Variants in TMEM63C observed in about 807,000 individuals in gnomAD.
The protein encoded by TMEM63C is osmosensitive cation channel TMEM63C.
Under a neutral mutation model 99.2 loss-of-function variants are expected in TMEM63C, and 32 were observed. That is an observed-to-expected ratio of 0.32 (90% CI 0.24 to 0.43). The LOEUF (loss-of-function observed/expected upper bound fraction) is 0.43. TMEM63C is among the 20% of genes least tolerant of loss of function. TMEM63C has a pLI of 1.00. For synonymous variants in TMEM63C, 376 were observed against 397.9 expected, an observed-to-expected ratio of 0.94 and a Z score of 0.66; for missense variants, 826 against 1,053.0, an observed-to-expected ratio of 0.78 and a Z score of 2.98.
At chr14:77,200,314 G>T (rs1340020774) in intron 1 of TMEM63C, among the ~76,000 whole-genome samples, 1 of 152,174 alleles carries the variant, frequency 6.6e-6, no homozygotes, top group Non-Finnish European at 1.5e-5. Flanking sequence ...CTAAGATGTG[G>T]ATCCACCACG....
intron 22 of TMEM63C, among the ~76,000 whole-genome samples, 154 bp downstream of exon 22, chr14:77,252,052 GTGCATGCATGCGTGCATGCCT>G (rs1157947890): frequency 3.5e-5 from 5 of 141,240 alleles, no homozygotes; most frequent in Non-Finnish European, 4.7e-5. Flanking sequence ...GTGTGCATGC[GTGCATGCATGCGTGCATGCCT>G]TGCGTGCATG....
At chr14:77,228,830 C>T (rs144464879) in intron 6 of TMEM63C, among the ~76,000 whole-genome samples, 42 of 152,230 alleles carry the variant, frequency 2.8e-4, no homozygotes, top group African/African-American at 9.6e-4. Flanking sequence ...AGCCACTGCA[C>T]CCGGCCTTAA....
intron 6 of TMEM63C, among the ~76,000 whole-genome samples, chr14:77,225,837 T>C (rs1053310769): frequency 2.0e-5 from 3 of 152,082 alleles, no homozygotes; most frequent in Admixed American, 1.3e-4. Context: ...TTCGCCCTTC[T>C]GCCCAAGCAA....
intron 18 of TMEM63C, among the ~76,000 whole-genome samples, chr14:77,247,191 A>G (rs1033175981): frequency 1.3e-5 from 2 of 150,908 alleles, no homozygotes; most frequent in Admixed American, 6.6e-5. Context: ...CATAGTCTTT[A>G]TAAACACAAG....
At chr14:77,206,052 G>A (rs554255248) in intron 1 of TMEM63C, among the ~76,000 whole-genome samples, 10 of 152,278 alleles carry the variant, frequency 6.6e-5, no homozygotes, top group South Asian at 4.1e-4. Context: ...TAGGCCCTCC[G>A]TCAGGCTCAG....
In TMEM63C at chr14:77,245,993, T is replaced by C; in HGVS notation, c.1502T>C (p.Met501Thr). 1 of 1,614,030 alleles carries C rather than the reference T, an allele frequency of 6.2e-7. No individual in the cohort carries two copies. The highest frequency in any genetic ancestry group is 8.5e-7 in the Non-Finnish European group (1 of 1,179,862). The change falls in exon 17 of 24, where the codon ATG (methionine) becomes ACG (threonine). Residue 501 changes from methionine to threonine, a missense_variant. By Grantham distance (81) the Met-to-Thr change is moderately conservative. Transcript: ENST00000298351. ...VHKCYIFLVFMVVILPSMGLT... is the reference protein window; with the variant it reads ...VHKCYIFLVFTVVILPSMGLT... Reference sequence around the variant, plus strand: ...AAGTGCTACATCTTTCTGGTGTTCATGGTAGTCATTCTGCCCTCTATGGGA... The same window carrying C: ...AAGTGCTACATCTTTCTGGTGTTCACGGTAGTCATTCTGCCCTCTATGGGA...
At chr14:77,239,830 G>C (rs545580106) in intron 12 of TMEM63C, 104 bp downstream of exon 12, 1 of 1,447,668 alleles carries the variant, frequency 6.9e-7, no homozygotes, top group Non-Finnish European at 9.2e-7. Flanking sequence ...CCTCACTCAG[G>C]TCTGCTCTAG....
rs981402456 is a variant in TMEM63C, at chr14:77,258,915, G to A, written c.*2189G>A. The A allele has an allele frequency of 1.3e-5, 2 of 152,344 alleles. No homozygotes were observed. Among genetic ancestry groups the A allele is most frequent in the African/African-American group, 4.8e-5 (2 of 41,464 alleles). The allele number at this position is 152,344 out of a possible 1,614,324, so 9.4% of individuals were successfully genotyped here. A position where few individuals can be genotyped will look rare whatever the true frequency, so the allele number is the denominator to read the frequency against. On this transcript the variant is annotated 3_prime_UTR_variant, in exon 24 of 24. Coordinates refer to ENST00000298351, the MANE Select transcript of TMEM63C (RefSeq NM_020431.4). ...CCTGGGTCCAGTGTAGCCTGGCTCT[G>A]AGAGAAGGTGGTGAGCATGTGGAGA...
intron 13 of TMEM63C, 104 bp downstream of exon 13, chr14:77,240,712 C>G: frequency 7.0e-7 from 1 of 1,422,642 alleles, no homozygotes; most frequent in South Asian, 1.4e-5. Flanking sequence ...CCCCTGGGCC[C>G]TCCATGCTCG....
At chr14:77,224,773 G>A (rs1340182480) in intron 5 of TMEM63C, among the ~76,000 whole-genome samples, 1 of 152,142 alleles carries the variant, frequency 6.6e-6, no homozygotes, top group Non-Finnish European at 1.5e-5. Context: ...CTGAGGTGCA[G>A]GAATTCAGAG....
intron 12 of TMEM63C, among the ~76,000 whole-genome samples, 166 bp from the exon 13 acceptor site, chr14:77,240,306 CTCT>C (rs1404832413): frequency 6.6e-6 from 1 of 152,204 alleles, no homozygotes; most frequent in Non-Finnish European, 1.5e-5. Flanking sequence ...CAGTCATCGC[CTCT>C]TCTTGTTCTA....
intron 1 of TMEM63C, among the ~76,000 whole-genome samples, chr14:77,207,084 A>G (rs4903558): frequency 0.98 from 149,668 of 152,324 alleles, 73,580 homozygotes; most frequent in Middle Eastern, 1. Flanking sequence ...TGTCTCCAGC[A>G]CCCCCTGGGC....
intron 14 of TMEM63C, 87 bp from the exon 15 acceptor site, chr14:77,242,816 G>C: frequency 1.3e-6 from 2 of 1,505,056 alleles, no homozygotes; most frequent in South Asian, 2.4e-5. Context: ...AGGGCAGGCT[G>C]GGTCCACAGC....
At chr14:77,202,825 G>GCACACA (rs60544528) in intron 1 of TMEM63C, among the ~76,000 whole-genome samples, 48 of 141,108 alleles carry the variant, frequency 3.4e-4, no homozygotes, top group East Asian at 2.6e-3. Context: ...ACAGGCAGGC[G>GCACACA]CACACACACA....
chr14:77,240,776 C>G (rs1889155793), intron 13 of TMEM63C, among the ~76,000 whole-genome samples, 168 bp downstream of exon 13: 1 of 152,184 alleles, frequency 6.6e-6, no homozygotes. Context: ...ATACCTGCTT[C>G]CCCCAGCTGC....
rs1312731343 is a variant in TMEM63C at position 77,242,472 on chromosome 14, A to G, written c.1187+3A>G. 1.2e-6 allele frequency: 2 copies of G among 1,613,588 alleles called. No homozygotes were observed. Among genetic ancestry groups the G allele is most frequent in the Non-Finnish European group, 1.7e-6 (2 of 1,179,668 alleles). On this transcript the variant is annotated splice_donor_region_variant and intron_variant, in intron 14 of 23. Transcript: ENST00000298351. ...CCACACCCCAAAGACATTATTTGGT[A>G]AGCCTCCTCCATCCCTCCCCTCTCC...
chr14:77,248,805 G>T lies in TMEM63C; in HGVS notation c.1803G>T (p.Ala601=). The T allele has an allele frequency of 6.2e-7, 1 of 1,614,072 alleles. No homozygotes were observed. The highest frequency in any genetic ancestry group is 8.5e-7 in the Non-Finnish European group (1 of 1,179,908). The change falls in exon 20 of 24, where the codon GCG becomes GCT. Residue 601 remains alanine, a synonymous_variant. Coordinates refer to ENST00000298351, the MANE Select transcript of TMEM63C (RefSeq NM_020431.4). ...AIDFQFGREY[A]WMMNVFSVVM... The stretch of plus-strand genomic sequence containing the variant: ...ACTTCCAGTTTGGGCGTGAGTATGC[G>T]TGGATGATGAACGTGTTCAGCGTGG...
chr14:77,256,742 T>TC lies in TMEM63C; in HGVS notation c.*18dup, dbSNP rs763426574. The TC allele has an allele frequency of 1.8e-5, 29 of 1,611,202 alleles. No individual in the cohort carries two copies. The South Asian group carries it at 3.2e-4, about 18-fold the overall frequency. On this transcript the variant is annotated 3_prime_UTR_variant, in exon 24 of 24. Transcript: ENST00000298351. ...GTACCACTGACCGGGACCTGAGGCCTCCACTGGCGACTTGTTGAGGGGTCA... is the reference window on the plus strand; with the variant it reads ...GTACCACTGACCGGGACCTGAGGCCTCCCACTGGCGACTTGTTGAGGGGTCA...
At chr14:77,235,442 A>C (rs183714656) in intron 8 of TMEM63C, among the ~76,000 whole-genome samples, 2,481 of 24,980 alleles carry the variant, frequency 0.099, 612 homozygotes, top group Admixed American at 0.2. Flanking sequence ...GTCCAGGGGG[A>C]CTGCAGTGGG....
Sources: gnomAD v4.1 joint callset for allele counts (sites outside exome capture counted in the v4.1 genomes callset) on GRCh38, gnomAD v4.1.1 for gene constraint, MANE v1.5 for transcripts, NCBI Gene and HGNC (gene_info 2026-07-23, HGNC 2026-07-21) for gene names.